The following MEGF9 variants were observed in gnomAD, a reference collection of about 807,000 sequenced individuals.
The protein encoded by MEGF9 is multiple epidermal growth factor-like domains protein 9.
MEGF9 carries 6 observed loss-of-function variants against 46.8 expected under a neutral mutation model. The ratio of observed to expected loss-of-function variants is 0.13; its 90% CI spans 0.07 to 0.25. The LOEUF is 0.25. Among genes scored for constraint, MEGF9 ranks in the 10% least tolerant of loss-of-function variants. The pLI is 1.00. For missense variants in MEGF9, 683 were observed against 792.4 expected, an observed-to-expected ratio of 0.86 and a Z score of 1.66; for synonymous variants, 302 against 330.7, an observed-to-expected ratio of 0.91 and a Z score of 0.94.
At chr9:120,652,043 A>G (rs1412687232) in intron 2 of MEGF9, among the ~76,000 whole-genome samples, 1 of 151,416 alleles carries the variant, frequency 6.6e-6, no homozygotes, top group East Asian at 1.9e-4. Flanking sequence ...CCAACAAAAA[A>G]CAAATACCCC....
At chr9:120,683,216 C>T (rs2043806212) in intron 1 of MEGF9, among the ~76,000 whole-genome samples, 1 of 152,158 alleles carries the variant, frequency 6.6e-6, no homozygotes, top group African/African-American at 2.4e-5. Flanking sequence ...CCATCCTAGG[C>T]CGACTGAATA....
chr9:120,688,853 T>C (rs1429591765), intron 1 of MEGF9, among the ~76,000 whole-genome samples: 1 of 152,194 alleles, frequency 6.6e-6, no homozygotes, highest in Admixed American at 6.5e-5. Flanking sequence ...TGAATTAGTA[T>C]GAATAGAAGA....
intron 3 of MEGF9, among the ~76,000 whole-genome samples, chr9:120,619,916 A>G (rs796400036): frequency 1.4e-4 from 22 of 152,344 alleles, no homozygotes; most frequent in African/African-American, 5.3e-4. Context: ...CTGTGAAAAC[A>G]CAGTAAGTGG....
At position 120,601,267 on chromosome 9, in the gene MEGF9, A is replaced by T. The variant is rs1270985964; in HGVS notation, c.*3923T>A. The T allele has an allele frequency of 1.3e-5, 2 of 152,212 alleles. No individual in the cohort carries two copies. Among genetic ancestry groups the T allele is most frequent in the African/African-American group, 4.8e-5 (2 of 41,444 alleles). 9.4% of individuals were successfully genotyped at this position (152,212 alleles called of 1,614,324 possible). A position where few individuals can be genotyped will look rare whatever the true frequency, so the allele number is the denominator to read the frequency against. Reference sequence around the variant, plus strand: ...GCTGCTGCTGCAGTAACAAGTAACAATTCCTACCCACATAGCCCAAAATAT... The same window carrying T: ...GCTGCTGCTGCAGTAACAAGTAACATTTCCTACCCACATAGCCCAAAATAT... On this transcript the variant is annotated 3_prime_UTR_variant, in exon 6 of 6. Transcript: ENST00000373930.
At chr9:120,676,728 C>G (rs558476230) in intron 1 of MEGF9, among the ~76,000 whole-genome samples, 1 of 152,302 alleles carries the variant, frequency 6.6e-6, no homozygotes, top group South Asian at 2.1e-4. Context: ...AACTGCTTAT[C>G]TTAATCCCTA....
At chr9:120,701,199 T>G (rs942907060) in intron 1 of MEGF9, among the ~76,000 whole-genome samples, 1 of 151,966 alleles carries the variant, frequency 6.6e-6, no homozygotes, top group East Asian at 1.9e-4. Context: ...TTAACAATGC[T>G]ACTACTTCTC....
intron 2 of MEGF9, among the ~76,000 whole-genome samples, chr9:120,641,775 G>A (rs1194508822): frequency 6.6e-6 from 1 of 152,138 alleles, no homozygotes; most frequent in East Asian, 1.9e-4. Context: ...ATCCCTGACT[G>A]GTAAAGCTAC....
intron 1 of MEGF9, among the ~76,000 whole-genome samples, chr9:120,713,417 A>G (rs1203438025): frequency 6.6e-6 from 1 of 152,142 alleles, no homozygotes; most frequent in Admixed American, 6.5e-5. Context: ...AACTTCCCCA[A>G]ATAACCCAGG....
intron 2 of MEGF9, among the ~76,000 whole-genome samples, chr9:120,646,864 T>G (rs1307549251): frequency 6.6e-6 from 1 of 152,150 alleles, no homozygotes; most frequent in Admixed American, 6.5e-5. Context: ...AATACTGCAT[T>G]TATAGAAACT....
intron 1 of MEGF9, among the ~76,000 whole-genome samples, chr9:120,667,391 G>A (rs1301190669): frequency 1.3e-5 from 2 of 152,136 alleles, no homozygotes; most frequent in Non-Finnish European, 2.9e-5. Flanking sequence ...GGCTGCAACT[G>A]CTCCCATGTA....
At chr9:120,637,992 T>C (rs1370882982) in intron 2 of MEGF9, among the ~76,000 whole-genome samples, 2 of 152,022 alleles carry the variant, frequency 1.3e-5, no homozygotes, top group Admixed American at 6.6e-5. Flanking sequence ...GTAAATTTTT[T>C]TTTAACCTTT....
intron 2 of MEGF9, among the ~76,000 whole-genome samples, chr9:120,633,813 C>A (rs2132309543): frequency 6.6e-6 from 1 of 152,162 alleles, no homozygotes; most frequent in East Asian, 1.9e-4. Flanking sequence ...TTCATTTGCT[C>A]CAAGAAATTT....
chr9:120,692,325 A>C (rs1657314154), intron 1 of MEGF9, among the ~76,000 whole-genome samples: 1 of 152,222 alleles, frequency 6.6e-6, no homozygotes, highest in Admixed American at 6.5e-5. Flanking sequence ...CCAACAAGTA[A>C]AATAGGTTTC....
intron 1 of MEGF9, among the ~76,000 whole-genome samples, chr9:120,702,520 G>C (rs2043910032): frequency 6.6e-6 from 1 of 152,116 alleles, no homozygotes; most frequent in South Asian, 2.1e-4. Context: ...CCATTACTTA[G>C]GTTTAACTAA....
In MEGF9 at chr9:120,605,045, G is replaced by A. The variant is rs970821555; in HGVS notation, c.*145C>T. ...ACTAAGAGCAATAGATAGGCTAAGC[G>A]CATTACAAATTTGTACCTGAAAATT... On this transcript the variant is annotated 3_prime_UTR_variant, in exon 6 of 6. Transcript: ENST00000373930. The surrounding 1 kb of genome is among the most constrained non-coding windows in gnomAD (Gnocchi z 4.0). 1.5e-5 allele frequency: 11 copies of A among 721,530 alleles called. No individual in the cohort carries two copies. The highest frequency in any genetic ancestry group is 5.3e-5 in the African/African-American group (3 of 56,344). The allele number at this position is 721,530 out of a possible 1,614,324, so 44.7% of individuals were successfully genotyped here.
intron 1 of MEGF9, among the ~76,000 whole-genome samples, chr9:120,687,671 T>TGTGTGTGTGTGG (rs1491376849): frequency 0.024 from 6 of 248 alleles, no homozygotes; most frequent in Non-Finnish European, 0.18. Flanking sequence ...AACACAACAC[T>TGTGTGTGTGTGG]GTGTGTGTGT....
rs369488773 is a variant in MEGF9, at chr9:120,649,875, T to A, written c.803+9499A>T. Among the ~76,000 whole-genome samples, 52 of 152,276 alleles carry A rather than the reference T, an allele frequency of 3.4e-4. 2 individuals carry two copies. The East Asian group carries it at 3.9e-3, about 11-fold the overall frequency. ...CTTACTGTGTAGCAGCAACGACAGATTTTATGGAAAAGGATATTATCCAAT... is the reference window on the plus strand; with the variant it reads ...CTTACTGTGTAGCAGCAACGACAGAATTTATGGAAAAGGATATTATCCAAT... On this transcript the variant is annotated intron_variant, in intron 2 of 5. Coordinates refer to ENST00000373930, the MANE Select transcript of MEGF9 (RefSeq NM_001080497.3).
At chr9:120,653,940 T>C (rs1309563686) in intron 2 of MEGF9, among the ~76,000 whole-genome samples, 1 of 151,992 alleles carries the variant, frequency 6.6e-6, no homozygotes, top group African/African-American at 2.4e-5. Context: ...GTGAGCCAAG[T>C]GTAAGAAATA....
chr9:120,633,143 T>C (rs1474323602), intron 2 of MEGF9, among the ~76,000 whole-genome samples: 4 of 152,220 alleles, frequency 2.6e-5, no homozygotes, highest in African/African-American at 9.7e-5. Flanking sequence ...CTTTGATTTT[T>C]TGGAATAGTT....
Sources: allele counts gnomAD v4.1 joint callset (sites outside exome capture counted in the v4.1 genomes callset), GRCh38; gene constraint gnomAD v4.1.1; non-coding constraint Gnocchi (gnomAD v3.1); transcripts MANE v1.5; gene names NCBI Gene and HGNC (gene_info 2026-07-23, HGNC 2026-07-21).